PPARGC1A: variants seen among roughly 807,000 people sequenced by gnomAD.
The protein encoded by PPARGC1A is PPARG coactivator 1 alpha, also known as peroxisome proliferator-activated receptor gamma coactivator 1-alpha.
A neutral mutation model predicts 88.7 loss-of-function variants in PPARGC1A; 25 were observed. That is an observed-to-expected ratio of 0.28 (90% CI 0.21 to 0.39). The LOEUF (loss-of-function observed/expected upper bound fraction) is 0.39. Ranked by LOEUF, PPARGC1A falls within the 10% of genes least tolerant of loss-of-function variation. PPARGC1A has a pLI of 1.00. For synonymous variants in PPARGC1A, 363 were observed against 355.6 expected (o/e 1.02, Z -0.24); for missense variants, 880 against 968.7 (o/e 0.91, Z 1.22).
intron 2 of PPARGC1A, among the ~76,000 whole-genome samples, chr4:23,869,359 T>A (rs1712772471): frequency 6.6e-6 from 1 of 152,140 alleles, no homozygotes; most frequent in Non-Finnish European, 1.5e-5. Flanking sequence ...GAGGGCAGCA[T>A]TCTTTGAAAC....
chr4:24,256,927 T>C, the PPARGC1A span, among the ~76,000 whole-genome samples: 1 of 152,076 alleles, frequency 6.6e-6, no homozygotes, highest in East Asian at 1.9e-4. Context: ...TCCAGAGGGG[T>C]AAAGAGTTTT....
At chr4:23,827,351 A>G (rs1724144527) in intron 5 of PPARGC1A, among the ~76,000 whole-genome samples, 1 of 152,108 alleles carries the variant, frequency 6.6e-6, no homozygotes, top group Non-Finnish European at 1.5e-5. Flanking sequence ...GCATACCTAC[A>G]CGAATTAATC....
At chr4:24,333,937 CAACAAAAAAAAAAAA>C in the PPARGC1A span, among the ~76,000 whole-genome samples, 2 of 10,370 alleles carry the variant, frequency 1.9e-4, no homozygotes, top group Admixed American at 2.0e-3. Context: ...CCAACAACAA[CAACAAAAAAAAAAAA>C]AAAAAAAAAA....
the PPARGC1A span, among the ~76,000 whole-genome samples, chr4:24,426,219 T>G: frequency 3.3e-5 from 5 of 152,212 alleles, no homozygotes; most frequent in African/African-American, 7.2e-5. Context: ...CTATTGATAT[T>G]GTGATTCTTT....
the PPARGC1A span, among the ~76,000 whole-genome samples, chr4:23,981,092 T>G: frequency 1.3e-5 from 2 of 151,966 alleles, no homozygotes. Flanking sequence ...TTAACACATT[T>G]AAACCACATT....
the PPARGC1A span, among the ~76,000 whole-genome samples, chr4:24,386,992 AC>A: frequency 6.6e-6 from 1 of 152,318 alleles, no homozygotes; most frequent in African/African-American, 2.4e-5. Flanking sequence ...TTCAAACTAT[AC>A]TACAAGGCTA....
chr4:24,130,779 G>T, the PPARGC1A span, among the ~76,000 whole-genome samples: 1 of 152,030 alleles, frequency 6.6e-6, no homozygotes, highest in East Asian at 1.9e-4. Flanking sequence ...CATGCCACAA[G>T]CTGCTGAAGA....
chr4:24,444,225 G>T, the PPARGC1A span, among the ~76,000 whole-genome samples: 1 of 151,896 alleles, frequency 6.6e-6, no homozygotes, highest in Non-Finnish European at 1.5e-5. Context: ...TAGTGACAGG[G>T]TTTCGCCACA....
chr4:24,319,282 C>CA, the PPARGC1A span, among the ~76,000 whole-genome samples: 1 of 152,122 alleles, frequency 6.6e-6, no homozygotes, highest in African/African-American at 2.4e-5. Flanking sequence ...TTCGAGGCTA[C>CA]AATGAGCCAT....
At chr4:24,439,631 G>T in the PPARGC1A span, among the ~76,000 whole-genome samples, 4 of 152,174 alleles carry the variant, frequency 2.6e-5, no homozygotes, top group Non-Finnish European at 4.4e-5. Context: ...GTGAAAAAAA[G>T]ATTTCCAGAA....
chr4:23,960,673 T>A, the PPARGC1A span, among the ~76,000 whole-genome samples: 3 of 152,244 alleles, frequency 2.0e-5, no homozygotes, highest in South Asian at 6.2e-4. Context: ...CATCTGGAAC[T>A]GTGTGATGTG....
chr4:23,944,134 T>C, the PPARGC1A span, among the ~76,000 whole-genome samples: 1 of 152,232 alleles, frequency 6.6e-6, no homozygotes, highest in East Asian at 1.9e-4. Flanking sequence ...GGTTCATTAG[T>C]TGTGACAAGC....
At position 23,792,418 on chromosome 4, in the gene PPARGC1A, C is replaced by T. The variant is rs920693919; in HGVS notation, c.*3404G>A. 3 of 152,534 alleles carry T rather than the reference C, an allele frequency of 2.0e-5. No homozygotes were observed. The highest frequency in any genetic ancestry group is 7.2e-5 in the African/African-American group (3 of 41,442). 9.4% of individuals were successfully genotyped at this position (152,534 alleles called of 1,614,324 possible). ...TCAAGAAAGGACACATAATCATTAC[C>T]TACTGGAAGCTCACATCTAAAGGCA... On this transcript the variant is annotated 3_prime_UTR_variant, in exon 13 of 13. Transcript: ENST00000264867.
chr4:24,173,090 A>C, the PPARGC1A span, among the ~76,000 whole-genome samples: 1 of 152,160 alleles, frequency 6.6e-6, no homozygotes, highest in Non-Finnish European at 1.5e-5. Flanking sequence ...ATGCTTTCCA[A>C]AGTTGTTACA....
At chr4:23,940,726 T>C in the PPARGC1A span, among the ~76,000 whole-genome samples, 79 of 152,300 alleles carry the variant, frequency 5.2e-4, no homozygotes, top group African/African-American at 1.9e-3. Flanking sequence ...CTCATGGAAC[T>C]GTCTTGTTCT....
intron 7 of PPARGC1A, among the ~76,000 whole-genome samples, chr4:23,819,373 C>CA: frequency 6.6e-6 from 1 of 152,300 alleles, no homozygotes; most frequent in South Asian, 2.1e-4. Context: ...TTTCTCCTAT[C>CA]ACCCCTGGTT....
intron 1 of PPARGC1A, among the ~76,000 whole-genome samples, chr4:23,897,340 T>C (rs1718714535): frequency 6.6e-6 from 1 of 152,196 alleles, no homozygotes. Context: ...AGGATCTTGA[T>C]TCAGCCCAAA....
chr4:24,316,300 C>T, the PPARGC1A span, among the ~76,000 whole-genome samples: 1 of 152,180 alleles, frequency 6.6e-6, no homozygotes, highest in Non-Finnish European at 1.5e-5. Flanking sequence ...AATGACTAGC[C>T]ACAGCTCACA....
the PPARGC1A span, among the ~76,000 whole-genome samples, chr4:24,067,422 C>T: frequency 6.6e-6 from 1 of 152,118 alleles, no homozygotes; most frequent in Non-Finnish European, 1.5e-5. Flanking sequence ...CAAAGGGACG[C>T]CTCTCTCAAA....
Sources: allele counts gnomAD v4.1 joint callset (sites outside exome capture counted in the v4.1 genomes callset), GRCh38; gene constraint gnomAD v4.1.1; transcripts MANE v1.5; gene names NCBI Gene and HGNC (gene_info 2026-07-23, HGNC 2026-07-21).